Variants in MTCH1 observed in about 807,000 individuals in gnomAD.
MTCH1 encodes mitochondrial carrier homolog 1.
In MTCH1, 23 loss-of-function variants were observed where a neutral mutation model predicts 49.3. The ratio of observed to expected loss-of-function variants is 0.47; its 90% CI spans 0.34 to 0.66. The LOEUF (loss-of-function observed/expected upper bound fraction) is 0.66, where lower values mean the gene tolerates loss of function less well. Among genes scored for constraint, MTCH1 ranks in the 30% least tolerant of loss-of-function variants. MTCH1 has a pLI of 0.01. For missense variants in MTCH1, 397 were observed against 532.1 expected (o/e 0.75, Z 2.50); for synonymous variants, 229 against 215.2 (o/e 1.06, Z -0.56).
At chr6:36,973,780 G>A (rs969681553) in intron 7 of MTCH1, among the ~76,000 whole-genome samples, 4 of 152,228 alleles carry the variant, frequency 2.6e-5, no homozygotes, top group Admixed American at 2.0e-4. Flanking sequence ...TGCCAGAGGT[G>A]GTCATGTGCA....
At chr6:36,973,486 T>A (rs188269013) in intron 7 of MTCH1, among the ~76,000 whole-genome samples, 2,504 of 148,170 alleles carry the variant, frequency 0.017, 69 homozygotes, top group African/African-American at 0.059. Context: ...GTTTTTGAAT[T>A]AAAAAAAAAA....
Position 36,977,784 on chromosome 6 carries a change from C to T in MTCH1, c.592-93G>A, listed in dbSNP as rs1275219944. 4.2e-6 allele frequency: 5 copies of T among 1,185,468 alleles called. No individual in the cohort carries two copies. The highest frequency in any genetic ancestry group is 2.0e-4 in the Middle Eastern group (1 of 5,126). 73.4% of individuals were successfully genotyped at this position (1,185,468 alleles called of 1,614,324 possible). On this transcript the variant is annotated intron_variant, in intron 4 of 11. Coordinates refer to ENST00000373627, the MANE Select transcript of MTCH1 (RefSeq NM_001271641.2). This position sits in a 1 kb window ranked among gnomAD's most constrained non-coding sequence, Gnocchi z 5.4. ...GCTACAAGTGCTCAGGAGGGAGAAA[C>T]CTGTCCCAGGGACTGCACATGGGGT...
intron 7 of MTCH1, 86 bp downstream of exon 7, chr6:36,975,572 C>A: frequency 7.4e-7 from 1 of 1,354,674 alleles, no homozygotes; most frequent in Admixed American, 1.7e-5. Context: ...AGTCCCAGGC[C>A]AGCAGCTGCG....
chr6:36,969,443 G>A, intron 11 of MTCH1: 1 of 1,066,722 alleles, frequency 9.4e-7, no homozygotes, highest in Non-Finnish European at 1.1e-6. Context: ...CCAGGAAAAG[G>A]CAAGGTTCTG....
intron 8 of MTCH1, among the ~76,000 whole-genome samples, chr6:36,971,442 C>T (rs942138752): frequency 2.6e-5 from 4 of 152,144 alleles, no homozygotes; most frequent in African/African-American, 9.7e-5. Flanking sequence ...CTTAGCGGTG[C>T]ACTCCTGGCC....
intron 2 of MTCH1, among the ~76,000 whole-genome samples, chr6:36,980,185 T>C (rs887084337): frequency 1.3e-5 from 2 of 152,188 alleles, no homozygotes; most frequent in South Asian, 2.1e-4. Context: ...TAAAGCTACA[T>C]TTATATAAAC....
At position 36,986,131 on chromosome 6, in the gene MTCH1, C is replaced by A. The variant is rs963123343; in HGVS notation, c.43G>T (p.Gly15Cys). 51 of 1,435,238 alleles carry A rather than the reference C, an allele frequency of 3.6e-5. No individual in the cohort carries two copies. Among genetic ancestry groups the A allele is most frequent in the Non-Finnish European group, 4.4e-5 (49 of 1,103,272 alleles). The allele number at this position is 1,435,238 out of a possible 1,614,324, so 88.9% of individuals were successfully genotyped here. ...DPEVAPWARG[G>C]AAGMAGAGAG... is the part of the protein sequence containing the mutation. ...CCGGCTCCCGCCATCCCCGCGGCAC[C>A]GCCGCGAGCCCAGGGCGCCACTTCC... The change falls in exon 1 of 12, where the codon GGT (glycine) becomes TGT (cysteine). Residue 15 changes from glycine to cysteine, a missense_variant. By Grantham distance (159) the Gly-to-Cys change is radical. This residue lies in a region of MTCH1 where 145 missense variants were observed against 143.8 expected (regional missense o/e 1.01). Transcript: ENST00000373627.
intron 11 of MTCH1, chr6:36,969,320 T>C (rs2150743734): frequency 9.0e-7 from 1 of 1,116,114 alleles, no homozygotes; most frequent in African/African-American, 1.6e-5. Flanking sequence ...TGGGAAGAAC[T>C]GCGGCTCTCC....
chr6:36,970,367 T>C (rs750567538), intron 10 of MTCH1, 39 bp downstream of exon 10: 1 of 1,611,460 alleles, frequency 6.2e-7, no homozygotes, highest in Non-Finnish European at 8.5e-7. Flanking sequence ...CCCCACAGCC[T>C]TGGTAGGTAG....
In MTCH1 at chr6:36,978,169, G is replaced by A. The variant is rs144519586; in HGVS notation, c.514-14C>T. On this transcript the variant is annotated splice_polypyrimidine_tract_variant and intron_variant, in intron 3 of 11. Transcript: ENST00000373627. ...TGGAGGGAAAACCTGAAACAGAGAA[G>A]GGAAAGAACCAAGTTCAGCTACGCC... 19,081 of 1,603,592 alleles carry A rather than the reference G, an allele frequency of 0.012. 127 individuals carry two copies. The highest frequency in any genetic ancestry group is 0.014 in the Non-Finnish European group (16,877 of 1,170,508).
upstream of MTCH1, chr6:36,986,350 T>G (rs1285933886): frequency 1.7e-5 from 8 of 483,012 alleles, no homozygotes; most frequent in Non-Finnish European, 2.6e-5. Context: ...AGCAGGACAC[T>G]GGGCTGCGGG....
At chr6:36,981,770 C>T in intron 1 of MTCH1, 98 bp from the exon 2 acceptor site, 1 of 999,940 alleles carries the variant, frequency 1.0e-6, no homozygotes, top group Admixed American at 3.0e-5. Context: ...CTTAACTCTT[C>T]TCCCACAAAT....
At chr6:36,984,387 G>A (rs1764218197) in intron 1 of MTCH1, among the ~76,000 whole-genome samples, 1 of 152,100 alleles carries the variant, frequency 6.6e-6, no homozygotes, top group African/African-American at 2.4e-5. Flanking sequence ...TGATGCCCCT[G>A]ACTGAATCTC....
At chr6:36,969,095 GAC>G in intron 11 of MTCH1, 121 bp from the exon 12 acceptor site, 8 of 1,462,756 alleles carry the variant, frequency 5.5e-6, no homozygotes, top group Non-Finnish European at 7.2e-6. Context: ...CTCCGGGGTG[GAC>G]GGCCTCGGCC....
Position 36,977,787 on chromosome 6 carries a change from G to A in MTCH1, c.592-96C>T. 8.7e-7 allele frequency: 1 copy of A among 1,145,936 alleles called. No individual in the cohort carries two copies. The highest frequency in any genetic ancestry group is 1.3e-6 in the Non-Finnish European group (1 of 793,300). 71.0% of individuals were successfully genotyped at this position (1,145,936 alleles called of 1,614,324 possible). Reference sequence around the variant, plus strand: ...ACAAGTGCTCAGGAGGGAGAAACCTGTCCCAGGGACTGCACATGGGGTCGG... The same window carrying A: ...ACAAGTGCTCAGGAGGGAGAAACCTATCCCAGGGACTGCACATGGGGTCGG... On this transcript the variant is annotated intron_variant, in intron 4 of 11. Transcript: ENST00000373627. This position sits in a 1 kb window ranked among gnomAD's most constrained non-coding sequence, Gnocchi z 5.4.
In MTCH1 at chr6:36,972,145, G is replaced by A. The variant is rs1763706888; in HGVS notation, c.906+507C>T. On this transcript the variant is annotated intron_variant, in intron 8 of 11. Transcript: ENST00000373627. This position sits in a 1 kb window ranked among gnomAD's most constrained non-coding sequence, Gnocchi z 4.1. The stretch of plus-strand genomic sequence containing the variant: ...AATTCCAGCCCTGTCAGTTCCAGCT[G>A]AGTGACTCTGGAGAGCCCAGAGCCT... 6.6e-6 allele frequency among the ~76,000 whole-genome samples: 1 copy of A among 152,260 alleles called. No individual in the cohort carries two copies. Among genetic ancestry groups the A allele is most frequent in the East Asian group, 1.9e-4 (1 of 5,174 alleles).
In MTCH1 at chr6:36,985,952, A is replaced by T; in HGVS notation, c.222T>A (p.Ser74=). The stretch of plus-strand genomic sequence containing the variant: ...CCTCAGTGGTCGGGGCGTTGTCCCC[A>T]GACCCCAGGCCCCCTGACCCGCCAT... ...RMDGGSGGLG[S]GDNAPTTEAL... The change falls in exon 1 of 12, where the codon TCT becomes TCA. Residue 74 remains serine (S), a synonymous_variant. Transcript: ENST00000373627. 1.3e-6 allele frequency: 2 copies of T among 1,551,184 alleles called. No individual in the cohort carries two copies. Among genetic ancestry groups the T allele is most frequent in the Non-Finnish European group, 1.7e-6 (2 of 1,147,644 alleles).
At position 36,970,096 on chromosome 6, in the gene MTCH1, G is replaced by T; in HGVS notation, c.1041C>A (p.Pro347=). The change falls in exon 11 of 12, where the codon CCC becomes CCA. Residue 347 remains proline, a synonymous_variant. Transcript: ENST00000373627. ...VNNCGLQAGL[P]PYSPVFKSWI... is the part of the protein sequence containing the mutation. Reference sequence around the variant, plus strand: ...AGGATTTGAACACTGGGGAGTAAGGGGGGAGCCCAGCTTGCAGCCTGCCGG... The same window carrying T: ...AGGATTTGAACACTGGGGAGTAAGGTGGGAGCCCAGCTTGCAGCCTGCCGG... The T allele has an allele frequency of 6.2e-7, 1 of 1,614,056 alleles. No homozygotes were observed. The highest frequency in any genetic ancestry group is 8.5e-7 in the Non-Finnish European group (1 of 1,179,934).
At chr6:36,969,778 AAG>A (rs1275424203) in intron 11 of MTCH1, 3 of 1,379,986 alleles carry the variant, frequency 2.2e-6, no homozygotes, top group Admixed American at 5.1e-5. Context: ...TCCTTATCCT[AAG>A]AGTCTTTAAG....
Sources: gnomAD v4.1 joint callset for allele counts (sites outside exome capture counted in the v4.1 genomes callset) on GRCh38, gnomAD v4.1.1 for gene constraint, gnomAD v4.1.1 regional missense constraint, Gnocchi (gnomAD v3.1) non-coding constraint, MANE v1.5 for transcripts, NCBI Gene and HGNC (gene_info 2026-07-23, HGNC 2026-07-21) for gene names.